The following COBLL1 variants were observed in gnomAD, a reference collection of about 807,000 sequenced individuals.
COBLL1 encodes the protein cordon-bleu protein-like 1.
A neutral mutation model predicts 94.8 loss-of-function variants in COBLL1; 50 were observed. That is an observed-to-expected ratio of 0.53 (90% CI 0.42 to 0.67). The LOEUF (loss-of-function observed/expected upper bound fraction) is 0.67, where lower values mean the gene tolerates loss of function less well. COBLL1 is among the 30% of genes least tolerant of loss of function. The pLI is 0.00. For missense variants in COBLL1, 1,362 were observed against 1,348.7 expected (o/e 1.01, Z -0.15); for synonymous variants, 448 against 473.8 (o/e 0.95, Z 0.71).
chr2:164,773,394 C>T (rs1688302330), intron 2 of COBLL1, among the ~76,000 whole-genome samples: 1 of 152,042 alleles, frequency 6.6e-6, no homozygotes, highest in Non-Finnish European at 1.5e-5. Flanking sequence ...ATATTATATA[C>T]ACACAGTTTA....
chr2:164,677,718 C>A (rs1691362221), downstream of COBLL1, among the ~76,000 whole-genome samples: 1 of 152,172 alleles, frequency 6.6e-6, no homozygotes. Context: ...TGAACCAAAT[C>A]AGAAGGCAGA....
chr2:164,785,064 A>G (rs1368716693), intron 2 of COBLL1, among the ~76,000 whole-genome samples: 1 of 152,144 alleles, frequency 6.6e-6, no homozygotes, highest in Admixed American at 6.6e-5. Context: ...TGTGAGGATG[A>G]AGCAAGAAGG....
At chr2:164,691,031 T>C (rs186795248) in intron 13 of COBLL1, among the ~76,000 whole-genome samples, 5 of 152,292 alleles carry the variant, frequency 3.3e-5, no homozygotes, top group Admixed American at 2.6e-4. Flanking sequence ...AATCAGACTC[T>C]ACAAATAATT....
intron 2 of COBLL1, among the ~76,000 whole-genome samples, chr2:164,818,324 G>A (rs554082995): frequency 6.8e-6 from 1 of 147,872 alleles, no homozygotes; most frequent in East Asian, 2.0e-4. Flanking sequence ...ACGTGTGTAT[G>A]TATACATATA....
At chr2:164,811,219 T>C (rs1411946986) in intron 2 of COBLL1, among the ~76,000 whole-genome samples, 1 of 151,884 alleles carries the variant, frequency 6.6e-6, no homozygotes, top group African/African-American at 2.4e-5. Context: ...ATGATGAAAA[T>C]AGGAAAAATT....
chr2:164,789,316 G>A (rs1683055401), intron 2 of COBLL1, among the ~76,000 whole-genome samples: 1 of 152,150 alleles, frequency 6.6e-6, no homozygotes, highest in Non-Finnish European at 1.5e-5. Flanking sequence ...GAAATGACCT[G>A]GCCAGTAGAT....
intron 13 of COBLL1, 40 bp downstream of exon 13, chr2:164,692,181 C>T (rs1485717174): frequency 6.5e-7 from 1 of 1,526,894 alleles, no homozygotes; most frequent in Non-Finnish European, 8.8e-7. Flanking sequence ...ACAATGGTGA[C>T]AATAAACCCA....
intron 2 of COBLL1, among the ~76,000 whole-genome samples, chr2:164,788,804 G>C (rs1204963516): frequency 6.6e-6 from 1 of 150,804 alleles, no homozygotes; most frequent in African/African-American, 2.5e-5. Context: ...AGACCAGCCT[G>C]GTCAACATAG....
intron 7 of COBLL1, among the ~76,000 whole-genome samples, chr2:164,708,273 A>C (rs1684706995): frequency 6.6e-6 from 1 of 152,158 alleles, no homozygotes; most frequent in Non-Finnish European, 1.5e-5. Flanking sequence ...AAATGAGTTA[A>C]AGCCTGCCAC....
intron 2 of COBLL1, chr2:164,800,483 A>T: frequency 1.5e-6 from 1 of 686,976 alleles, no homozygotes; most frequent in Non-Finnish European, 2.6e-6. Context: ...GCAAAATGGT[A>T]CAACTACTCT....
In COBLL1 at chr2:164,692,244, C is replaced by G. The variant is rs1409903189; in HGVS notation, c.3277G>C (p.Glu1093Gln). The change falls in exon 13 of 14, where the codon GAG becomes CAG. Residue 1093 changes from glutamate to glutamine, a missense_variant. By Grantham distance (29) the Glu-to-Gln change is conservative. Transcript: ENST00000652658. ...ACCCTTTTCAATTTGGCAGCAGCCT[C>G]TCCCGAACGGATTGCAGTCAGCAAA... ...QSLLTAIRSG[E>Q]AAAKLKRVTI... The G allele has an allele frequency of 1.2e-6, 2 of 1,611,062 alleles. No individual in the cohort carries two copies. The highest frequency in any genetic ancestry group is 2.7e-5 in the African/African-American group (2 of 74,700).
chr2:164,789,907 C>T (rs947169912), intron 2 of COBLL1, among the ~76,000 whole-genome samples: 5 of 152,146 alleles, frequency 3.3e-5, no homozygotes, highest in South Asian at 4.1e-4. Context: ...ATTACGAACA[C>T]GTGAATACTT....
At chr2:164,797,480 GA>G (rs1425654438) in intron 2 of COBLL1, among the ~76,000 whole-genome samples, 5 of 149,932 alleles carry the variant, frequency 3.3e-5, no homozygotes, top group South Asian at 2.1e-4. Flanking sequence ...ATATAAGACA[GA>G]AAAAAAAACC....
chr2:164,726,293 G>A (rs1361003316), intron 5 of COBLL1, among the ~76,000 whole-genome samples: 1 of 152,110 alleles, frequency 6.6e-6, no homozygotes, highest in Non-Finnish European at 1.5e-5. Flanking sequence ...TATTATAGAA[G>A]TAGAAGGTGA....
upstream of COBLL1, chr2:164,841,921 G>C (rs769606060): frequency 4.0e-6 from 6 of 1,483,856 alleles, no homozygotes; most frequent in African/African-American, 8.4e-5. This position sits in a 1 kb window ranked among gnomAD's most constrained non-coding sequence, Gnocchi z 5.5. Flanking sequence ...CTGGCTGGGC[G>C]CTGGGGGCCT....
At chr2:164,712,075 G>T (rs3769874) in intron 7 of COBLL1, among the ~76,000 whole-genome samples, 24,400 of 152,046 alleles carry the variant, frequency 0.16, 2,088 homozygotes, top group East Asian at 0.3. Flanking sequence ...ACCCAGATCA[G>T]AATTTCCTGA....
chr2:164,717,493 T>G (rs1685227431), intron 7 of COBLL1, among the ~76,000 whole-genome samples: 1 of 152,206 alleles, frequency 6.6e-6, no homozygotes, highest in Non-Finnish European at 1.5e-5. Flanking sequence ...GTTCATATGT[T>G]TTGCTGAATT....
chr2:164,708,448 T>C (rs1313555252), intron 7 of COBLL1, among the ~76,000 whole-genome samples: 1 of 151,854 alleles, frequency 6.6e-6, no homozygotes, highest in South Asian at 2.1e-4. Flanking sequence ...CACCAAGGAG[T>C]TGCCAGTATT....
chr2:164,704,964 T>C lies in COBLL1; in HGVS notation c.1138A>G (p.Ser380Gly), dbSNP rs1387057041. ...ACAACCACATTACCAGTCACACGAC[T>C]ATTTTCATCACTTTGATGCGGGGGT... ...KIPPHQSDEN[S>G]RVTALQPVDG... Residue 380 changes from serine (S) to glycine (G), a missense_variant, in exon 8 of 14, where the codon AGT (serine) becomes GGT (glycine). Coordinates refer to ENST00000652658, the MANE Select transcript of COBLL1 (RefSeq NM_001365672.2). The C allele has an allele frequency of 6.3e-7, 1 of 1,584,348 alleles. No individual in the cohort carries two copies. Among genetic ancestry groups the C allele is most frequent in the Non-Finnish European group, 8.6e-7 (1 of 1,169,000 alleles).
Sources: allele counts gnomAD v4.1 joint callset (sites outside exome capture counted in the v4.1 genomes callset), GRCh38; gene constraint gnomAD v4.1.1; non-coding constraint Gnocchi (gnomAD v3.1); transcripts MANE v1.5; gene names NCBI Gene and HGNC (gene_info 2026-07-23, HGNC 2026-07-21).